The following ASIC2 variants were observed in gnomAD, a reference collection of about 807,000 sequenced individuals.
ASIC2 encodes the protein acid-sensing ion channel 2.
In ASIC2, 25 loss-of-function variants were observed where a neutral mutation model predicts 57.3. The observed-to-expected ratio is 0.44, with a 90% confidence interval of 0.32 to 0.61. The LOEUF (loss-of-function observed/expected upper bound fraction) is 0.61. ASIC2 is among the 20% of genes least tolerant of loss of function. The pLI is 0.06. For synonymous variants in ASIC2, 319 were observed against 307.5 expected (o/e 1.04, Z -0.39); for missense variants, 641 against 738.1 (o/e 0.87, Z 1.52).
At chr17:33,063,930 C>A (rs1173751945) in intron 3 of ASIC2, among the ~76,000 whole-genome samples, 1 of 152,150 alleles carries the variant, frequency 6.6e-6, no homozygotes, top group Admixed American at 6.5e-5. Context: ...TCATTGATAC[C>A]TTTTCTTCCA....
intron 1 of ASIC2, among the ~76,000 whole-genome samples, chr17:33,595,267 T>C (rs1904946604): frequency 6.6e-6 from 1 of 152,140 alleles, no homozygotes; most frequent in Admixed American, 6.5e-5. Flanking sequence ...GAAAACCAGG[T>C]CTGTCTGACC....
chr17:33,625,568 G>A (rs1905958085), intron 1 of ASIC2, among the ~76,000 whole-genome samples: 1 of 152,260 alleles, frequency 6.6e-6, no homozygotes, highest in East Asian at 1.9e-4. Flanking sequence ...AGATTAATTT[G>A]CAACACAGAA....
chr17:33,840,032 T>C (rs549859224), intron 1 of ASIC2, among the ~76,000 whole-genome samples: 35 of 152,384 alleles, frequency 2.3e-4, no homozygotes, highest in African/African-American at 8.2e-4. Context: ...CATGCTGATA[T>C]GCTCTTTTAG....
At chr17:33,281,238 T>C (rs187263764) in intron 1 of ASIC2, among the ~76,000 whole-genome samples, 9 of 152,226 alleles carry the variant, frequency 5.9e-5, no homozygotes, top group Non-Finnish European at 1.3e-4. Flanking sequence ...CAGAGAGGTG[T>C]GATATGAAAA....
chr17:34,011,636 T>C (rs1188841742), intron 1 of ASIC2, among the ~76,000 whole-genome samples: 1 of 151,874 alleles, frequency 6.6e-6, no homozygotes, highest in Admixed American at 6.6e-5. Flanking sequence ...CCGCCTCCAC[T>C]CCTCCCAGCA....
chr17:33,636,136 ATATGT>A (rs1490765943), intron 1 of ASIC2, among the ~76,000 whole-genome samples: 1 of 152,220 alleles, frequency 6.6e-6, no homozygotes, highest in Non-Finnish European at 1.5e-5. Flanking sequence ...ATATATGTGG[ATATGT>A]TATGTGCATA....
chr17:33,518,006 A>G (rs1323738457), intron 1 of ASIC2, among the ~76,000 whole-genome samples: 5 of 152,324 alleles, frequency 3.3e-5, no homozygotes, highest in African/African-American at 1.2e-4. Flanking sequence ...GGAAGTCCAG[A>G]GAGGGCACCC....
intron 1 of ASIC2, among the ~76,000 whole-genome samples, chr17:33,971,071 T>C (rs1173277692): frequency 6.6e-6 from 1 of 152,168 alleles, no homozygotes. Context: ...TATGCTTCCC[T>C]CCAGGATGCG....
intron 1 of ASIC2, chr17:33,793,440 CTG>C (rs763116861): frequency 6.6e-6 from 1 of 152,356 alleles, no homozygotes; most frequent in African/African-American, 2.4e-5. Flanking sequence ...TTACTAAGTG[CTG>C]TGTGTACTTC....
chr17:33,389,198 CA>C lies in ASIC2; in HGVS notation c.556-277132del, dbSNP rs1255917243. 2.6e-5 allele frequency among the ~76,000 whole-genome samples: 4 copies of C among 152,228 alleles called. No individual in the cohort carries two copies. In the East Asian group the frequency reaches 7.8e-4, roughly 30 times the overall value. ...TGGTCTCGAAATCCTGAGCTCAAAG[CA>C]ATCCACCCGACTCAGCCTCTCAAAG... On this transcript the variant is annotated intron_variant, in intron 1 of 9. Coordinates refer to the ASIC2 transcript ENST00000359872.
At chr17:34,084,021 G>C (rs1194532953) in intron 1 of ASIC2, among the ~76,000 whole-genome samples, 4 of 151,946 alleles carry the variant, frequency 2.6e-5, no homozygotes, top group Admixed American at 6.6e-5. Flanking sequence ...AAGCTCTTTA[G>C]TTTAATTAGA....
intron 1 of ASIC2, among the ~76,000 whole-genome samples, chr17:33,452,631 A>G (rs1252792114): frequency 6.6e-6 from 1 of 152,174 alleles, no homozygotes; most frequent in East Asian, 1.9e-4. Flanking sequence ...AGTGCTTTGC[A>G]TAATGATGCC....
At chr17:33,023,814 T>G in intron 6 of ASIC2, 47 bp downstream of exon 6, 1 of 1,610,078 alleles carries the variant, frequency 6.2e-7, no homozygotes, top group Non-Finnish European at 8.5e-7. Flanking sequence ...AATTTCCTCC[T>G]TATCCAGTTC....
intron 1 of ASIC2, among the ~76,000 whole-genome samples, chr17:33,579,825 G>A (rs745752142): frequency 8.5e-5 from 13 of 152,128 alleles, no homozygotes; most frequent in Non-Finnish European, 1.5e-4. Context: ...TTCGGCGTCT[G>A]GCTCGGGTGG....
intron 1 of ASIC2, among the ~76,000 whole-genome samples, chr17:33,272,004 C>A (rs1904511080): frequency 6.6e-6 from 1 of 152,158 alleles, no homozygotes; most frequent in South Asian, 2.1e-4. Context: ...TTTGAACAAA[C>A]CAAGTTCATT....
rs552157351 is a variant in ASIC2, at chr17:33,795,801, T to C, written c.555+360177A>G. Among the ~76,000 whole-genome samples the C allele has an allele frequency of 9.2e-5, 14 of 152,356 alleles. No homozygotes were observed. The South Asian group carries it at 2.1e-3, about 23-fold the overall frequency. ...AGCCTAAGTTCTTGCTTTCTTGATA[T>C]CAAAGACCTGCAATCAGTAGCACTT... On this transcript the variant is annotated intron_variant, in intron 1 of 9. Coordinates refer to the ASIC2 transcript ENST00000359872.
intron 1 of ASIC2, among the ~76,000 whole-genome samples, chr17:34,013,039 A>G (rs1407020125): frequency 6.6e-6 from 1 of 152,202 alleles, no homozygotes; most frequent in Non-Finnish European, 1.5e-5. Flanking sequence ...GAAATAGTTG[A>G]TCATGTGCCC....
intron 1 of ASIC2, among the ~76,000 whole-genome samples, chr17:34,120,403 T>C (rs571716211): frequency 6.6e-6 from 1 of 152,214 alleles, no homozygotes; most frequent in African/African-American, 2.4e-5. Flanking sequence ...AGTGTGTCTG[T>C]GCACACGCAT....
intron 3 of ASIC2, among the ~76,000 whole-genome samples, chr17:33,046,901 C>T (rs1018744900): frequency 1.3e-5 from 2 of 152,364 alleles, no homozygotes; most frequent in South Asian, 4.1e-4. Flanking sequence ...CACCTTCTTC[C>T]TTTGGGACAC....
Sources: gnomAD v4.1 joint callset for allele counts (sites outside exome capture counted in the v4.1 genomes callset) on GRCh38, gnomAD v4.1.1 for gene constraint, MANE v1.5 for transcripts, NCBI Gene and HGNC (gene_info 2026-07-23, HGNC 2026-07-21) for gene names.